CPNE4: variants seen among roughly 807,000 people sequenced by gnomAD.
CPNE4 encodes the protein copine-4.
CPNE4 carries 25 observed loss-of-function variants against 67.9 expected under a neutral mutation model. That is an observed-to-expected ratio of 0.37 (90% CI 0.27 to 0.51). The LOEUF is 0.51. Among genes scored for constraint, CPNE4 ranks in the 20% least tolerant of loss-of-function variants. The pLI, the probability that CPNE4 is intolerant of heterozygous loss-of-function variation, is 0.93. For synonymous variants in CPNE4, 242 were observed against 244.9 expected (o/e 0.99, Z 0.11); for missense variants, 464 against 690.8 (o/e 0.67, Z 3.68).
chr3:131,848,039 C>T lies in CPNE4; in HGVS notation c.180+57225G>A, dbSNP rs1417706141. On this transcript the variant is annotated intron_variant, in intron 2 of 15. Coordinates refer to ENST00000429747, the MANE Select transcript of CPNE4 (RefSeq NM_130808.3). ...ATGTCCACTTTTTGTCAGATAGTAC[C>T]CCTCTTGTGCTCATAGTCTGGGCCT... Among the ~76,000 whole-genome samples the T allele has an allele frequency of 3.3e-5, 5 of 152,092 alleles. 1 individual carries two copies. Among genetic ancestry groups the T allele is most frequent in the African/African-American group, 1.2e-4 (5 of 41,430 alleles).
At chr3:131,976,873 C>T (rs58594346) in intron 1 of CPNE4, among the ~76,000 whole-genome samples, 16,962 of 151,676 alleles carry the variant, frequency 0.11, 2,993 homozygotes, top group African/African-American at 0.37. Context: ...ACAATCTTGG[C>T]TCATTGCAAT....
rs1384676979 is a variant in CPNE4, at chr3:131,534,477, G to A, written c.*718C>T. On this transcript the variant is annotated 3_prime_UTR_variant, in exon 16 of 16. Transcript: ENST00000429747. ...CAGGGACTGCATTAGCATCACCTGG[G>A]ACCTAGTTAAAGATGCAGAATCTTG... is the stretch of plus-strand genomic sequence containing the variant. 6.6e-6 allele frequency: 1 copy of A among 152,138 alleles called. No individual in the cohort carries two copies. Among genetic ancestry groups the A allele is most frequent in the African/African-American group, 2.4e-5 (1 of 41,422 alleles). 9.4% of individuals were successfully genotyped at this position (152,138 alleles called of 1,614,324 possible). A position where few individuals can be genotyped will look rare whatever the true frequency, so the allele number is the denominator to read the frequency against.
intron 1 of CPNE4, among the ~76,000 whole-genome samples, chr3:132,023,369 T>C (rs957984092): frequency 3.3e-5 from 5 of 152,010 alleles, no homozygotes. Flanking sequence ...CTTCAAGGGA[T>C]AATAAAGCCA....
chr3:131,704,254 C>G (rs2081368853), intron 3 of CPNE4, among the ~76,000 whole-genome samples: 1 of 152,200 alleles, frequency 6.6e-6, no homozygotes, highest in Non-Finnish European at 1.5e-5. Context: ...TCAGGCATCT[C>G]TTTGCCTGAA....
intron 7 of CPNE4, among the ~76,000 whole-genome samples, chr3:131,611,106 A>G (rs1939813306): frequency 1.3e-5 from 2 of 152,206 alleles, no homozygotes; most frequent in Admixed American, 1.3e-4. Context: ...ACAGAAAACA[A>G]AACGTATTTT....
chr3:131,615,889 T>A (rs1057397779), intron 7 of CPNE4, among the ~76,000 whole-genome samples: 1 of 100,266 alleles, frequency 1.0e-5, no homozygotes, highest in South Asian at 3.1e-4. Context: ...CATCTCTCTC[T>A]CTCACACACA....
intron 1 of CPNE4, among the ~76,000 whole-genome samples, chr3:131,961,718 G>C (rs2072186110): frequency 6.6e-6 from 1 of 152,160 alleles, no homozygotes; most frequent in Non-Finnish European, 1.5e-5. Context: ...CAGGATTGAA[G>C]GGGGCTCATG....
At chr3:131,918,332 C>T (rs76167246) in intron 1 of CPNE4, among the ~76,000 whole-genome samples, 1,963 of 152,222 alleles carry the variant, frequency 0.013, 32 homozygotes, top group African/African-American at 0.043. Context: ...ATATCACGCT[C>T]ATTTAGACAC....
chr3:131,688,591 TTAAA>T (rs1398560021), intron 5 of CPNE4, among the ~76,000 whole-genome samples: 1 of 152,206 alleles, frequency 6.6e-6, no homozygotes, highest in Non-Finnish European at 1.5e-5. Context: ...CTTTGCCTCT[TTAAA>T]TAGATTGTTG....
At chr3:131,828,529 T>C (rs1443391563) in intron 2 of CPNE4, among the ~76,000 whole-genome samples, 1 of 152,186 alleles carries the variant, frequency 6.6e-6, no homozygotes, top group Non-Finnish European at 1.5e-5. Flanking sequence ...TGTCCATCCA[T>C]TCTCAAGTGG....
intron 2 of CPNE4, among the ~76,000 whole-genome samples, chr3:131,782,129 T>C (rs183184472): frequency 1.2e-3 from 190 of 152,248 alleles, no homozygotes; most frequent in Non-Finnish European, 2.1e-3. Context: ...TTCAATATGC[T>C]CTTAAGTATC....
In CPNE4 at chr3:131,731,160, A is replaced by G. The variant is rs542446380; in HGVS notation, c.181-7535T>C. Among the ~76,000 whole-genome samples, 5 of 152,276 alleles carry G rather than the reference A, an allele frequency of 3.3e-5. No individual in the cohort carries two copies. The East Asian group carries it at 9.7e-4, about 29-fold the overall frequency. ...GCAGTTAACCTGGTTCTCAAGTAAC[A>G]GGGCCTCTGGCACACTGGGTTCTGC... On this transcript the variant is annotated intron_variant, in intron 2 of 15. Transcript: ENST00000429747.
At chr3:132,020,919 T>C (rs759661166) in intron 1 of CPNE4, among the ~76,000 whole-genome samples, 9 of 152,144 alleles carry the variant, frequency 5.9e-5, no homozygotes, top group Non-Finnish European at 1.2e-4. Context: ...ATAAGCCAAC[T>C]CAAAACAAGC....
At chr3:131,719,572 G>A (rs773300756) in intron 3 of CPNE4, among the ~76,000 whole-genome samples, 1 of 152,064 alleles carries the variant, frequency 6.6e-6, no homozygotes, top group Non-Finnish European at 1.5e-5. Context: ...CTTCTTTTTA[G>A]TTCCTCATAT....
chr3:132,032,923 G>A (rs1229893000), intron 1 of CPNE4, among the ~76,000 whole-genome samples: 11 of 152,368 alleles, frequency 7.2e-5, no homozygotes, highest in African/African-American at 2.2e-4. Flanking sequence ...GATATGCTAT[G>A]TGGTTTAACC....
intron 2 of CPNE4, among the ~76,000 whole-genome samples, chr3:131,746,873 C>T (rs1277743190): frequency 1.3e-5 from 2 of 152,072 alleles, no homozygotes; most frequent in Non-Finnish European, 2.9e-5. Flanking sequence ...GCTGTATTAA[C>T]TTACATTCTC....
intron 7 of CPNE4, among the ~76,000 whole-genome samples, chr3:131,617,324 A>T (rs1471062064): frequency 3.3e-5 from 5 of 152,192 alleles, no homozygotes; most frequent in Non-Finnish European, 7.3e-5. Flanking sequence ...TAAAAAATTC[A>T]TCTTACTGAC....
intron 6 of CPNE4, among the ~76,000 whole-genome samples, chr3:131,677,929 T>C (rs764001057): frequency 3.8e-4 from 58 of 152,230 alleles, no homozygotes; most frequent in Non-Finnish European, 6.8e-4. Flanking sequence ...TTTTTGGGTT[T>C]CATACAAATT....
At chr3:131,880,508 A>T (rs1433477097) in intron 2 of CPNE4, among the ~76,000 whole-genome samples, 1 of 152,188 alleles carries the variant, frequency 6.6e-6, no homozygotes, top group Non-Finnish European at 1.5e-5. Context: ...CCCAAATCAC[A>T]ATGAAGTGGG....
Sources: gnomAD v4.1 joint callset for allele counts (sites outside exome capture counted in the v4.1 genomes callset) on GRCh38, gnomAD v4.1.1 for gene constraint, MANE v1.5 for transcripts, NCBI Gene and HGNC (gene_info 2026-07-23, HGNC 2026-07-21) for gene names.